Variants in SLC30A8 observed in about 807,000 individuals in gnomAD.
SLC30A8 encodes proton-coupled zinc antiporter SLC30A8.
In SLC30A8, 27 loss-of-function variants were observed where a neutral mutation model predicts 36.9. That is an observed-to-expected ratio of 0.73 (90% CI 0.54 to 1.01). SLC30A8 has a LOEUF of 1.01. Among genes scored for constraint, SLC30A8 ranks in the 50% least tolerant of loss-of-function variants. The probability of loss-of-function intolerance (pLI) is 0.00; values close to 1 mark genes in which losing one functional copy is unlikely to be tolerated. For missense variants in SLC30A8, 439 were observed against 452.0 expected (o/e 0.97, Z 0.26); for synonymous variants, 164 against 172.4 (o/e 0.95, Z 0.38).
intron 1 of SLC30A8, among the ~76,000 whole-genome samples, chr8:116,989,034 C>A (rs1052336034): frequency 2.0e-5 from 3 of 152,130 alleles, no homozygotes; most frequent in African/African-American, 4.8e-5. Context: ...TATTCAAAAA[C>A]CACTTTGAAT....
chr8:117,153,063 C>T lies in SLC30A8; in HGVS notation c.391C>T (p.Arg131Trp), dbSNP rs754766609. The T allele has an allele frequency of 4.3e-6, 7 of 1,611,712 alleles. No homozygotes were observed. In the Admixed American group the frequency reaches 5.0e-5, roughly 12 times the overall value. Reference protein sequence around the residue: ...LWLSSKPPSKRLTFGWHRAEI... With the variant: ...LWLSSKPPSKWLTFGWHRAEI... ...GTTGTCATCGAAGCCTCCCTCTAAG[C>T]GGCTGACATTTGGATGGCACCGAGC... Residue 131 changes from arginine (R) to tryptophan (W), a missense_variant, in exon 3 of 8, where the codon CGG (arginine) becomes TGG (tryptophan). Coordinates refer to ENST00000456015, the MANE Select transcript of SLC30A8 (RefSeq NM_173851.3).
chr8:116,966,677 A>G (rs1312532275), intron 1 of SLC30A8, among the ~76,000 whole-genome samples: 1 of 152,188 alleles, frequency 6.6e-6, no homozygotes, highest in Non-Finnish European at 1.5e-5. Context: ...CAGAAAACCT[A>G]TTTTAGAAAA....
chr8:117,009,523 A>G (rs1181500957), intron 1 of SLC30A8, among the ~76,000 whole-genome samples: 1 of 152,170 alleles, frequency 6.6e-6, no homozygotes, highest in African/African-American at 2.4e-5. Context: ...TCTTGTGACA[A>G]ATCATGGGGA....
intron 1 of SLC30A8, among the ~76,000 whole-genome samples, chr8:117,038,758 C>A (rs911200542): frequency 6.6e-6 from 1 of 152,244 alleles, no homozygotes; most frequent in Non-Finnish European, 1.5e-5. Flanking sequence ...ATGCTCCACA[C>A]TTTGGCCAAT....
At chr8:116,961,718 G>C (rs1453065928) in intron 1 of SLC30A8, among the ~76,000 whole-genome samples, 1 of 151,954 alleles carries the variant, frequency 6.6e-6, no homozygotes, top group East Asian at 1.9e-4. Flanking sequence ...TACTATGGAG[G>C]GGAAGAATGC....
At position 117,163,508 on chromosome 8, in the gene SLC30A8, C is replaced by T. The variant is rs770784511; in HGVS notation, c.807C>T (p.Asp269=). ...CCAGCACCATCACTATCTTAAAGGACTTCTCCATCTTACTCATGGAAGGTA... is the reference window on the plus strand; with the variant it reads ...CCAGCACCATCACTATCTTAAAGGATTTCTCCATCTTACTCATGGAAGGTA... ...VLASTITILK[D]FSILLMEGVP... The change falls in exon 6 of 8, where the codon GAC becomes GAT. Residue 269 remains aspartate, a synonymous_variant. Transcript: ENST00000456015. 1 of 1,612,272 alleles carries T rather than the reference C, an allele frequency of 6.2e-7. No individual in the cohort carries two copies. The highest frequency in any genetic ancestry group is 1.6e-4 in the Middle Eastern group (1 of 6,072).
At chr8:117,054,184 G>C (rs954351762) in intron 2 of SLC30A8, among the ~76,000 whole-genome samples, 1 of 149,520 alleles carries the variant, frequency 6.7e-6, no homozygotes, top group African/African-American at 2.5e-5. Context: ...CTGCAGCCTG[G>C]ATCTCCTGGA....
At position 117,135,262 on chromosome 8, in the gene SLC30A8, G is replaced by C. The variant is rs1036717810; in HGVS notation, c.-66G>C. On this transcript the variant is annotated 5_prime_UTR_variant, in exon 1 of 8. Coordinates refer to ENST00000456015, the MANE Select transcript of SLC30A8 (RefSeq NM_173851.3). ...GTATAAATAATTGCAGTGCTGCTTTGCTTCCAAAACTGGGCAGTGAGTTCA... is the reference window on the plus strand; with the variant it reads ...GTATAAATAATTGCAGTGCTGCTTTCCTTCCAAAACTGGGCAGTGAGTTCA... The C allele has an allele frequency of 1.9e-5, 23 of 1,206,214 alleles. No homozygotes were observed. The African/African-American group carries it at 3.5e-4, about 18-fold the overall frequency. 74.7% of individuals were successfully genotyped at this position (1,206,214 alleles called of 1,614,324 possible).
chr8:117,075,187 AT>A, intron 2 of SLC30A8, among the ~76,000 whole-genome samples: 1 of 152,144 alleles, frequency 6.6e-6, no homozygotes, highest in Non-Finnish European at 1.5e-5. Context: ...GATCACAAAC[AT>A]AGTAAACAAG....
In SLC30A8 at chr8:117,153,497, A is replaced by G. The variant is rs28674134; in HGVS notation, c.418+407A>G. Among the ~76,000 whole-genome samples the G allele has an allele frequency of 5.7e-3, 875 of 152,352 alleles. 9 individuals carry two copies. The highest frequency in any genetic ancestry group is 0.02 in the African/African-American group (821 of 41,568). On this transcript the variant is annotated intron_variant, in intron 3 of 7. Coordinates refer to ENST00000456015, the MANE Select transcript of SLC30A8 (RefSeq NM_173851.3). Reference sequence around the variant, plus strand: ...ATAGAGATTGAAGAACTTCTTATAGAGGATTCAGGAATAGAATATAGGCTT... The same window carrying G: ...ATAGAGATTGAAGAACTTCTTATAGGGGATTCAGGAATAGAATATAGGCTT...
At chr8:117,126,335 C>T (rs1820903167) in intron 2 of SLC30A8, among the ~76,000 whole-genome samples, 1 of 151,830 alleles carries the variant, frequency 6.6e-6, no homozygotes, top group Admixed American at 6.6e-5. Context: ...ATTTAAATTA[C>T]TTCATTTAAT....
intron 5 of SLC30A8, 126 bp from the exon 6 acceptor site, chr8:117,163,299 C>G: frequency 1.5e-6 from 1 of 659,770 alleles, no homozygotes; most frequent in Middle Eastern, 2.6e-4. Context: ...TTGGATGACA[C>G]ATGTCAAAAG....
chr8:117,018,668 C>A (rs1002682404), intron 1 of SLC30A8, among the ~76,000 whole-genome samples: 7 of 121,664 alleles, frequency 5.8e-5, no homozygotes, highest in South Asian at 3.5e-4. Flanking sequence ...GACTAGCCCC[C>A]CCCCCCCTTT....
chr8:117,061,321 C>T (rs559387071), intron 2 of SLC30A8, among the ~76,000 whole-genome samples: 31 of 152,330 alleles, frequency 2.0e-4, no homozygotes, highest in African/African-American at 7.0e-4. Context: ...TGTGCACATA[C>T]GTGCATGCAT....
At chr8:117,097,625 ATT>A (rs1491447092) in intron 2 of SLC30A8, among the ~76,000 whole-genome samples, 13 of 97,146 alleles carry the variant, frequency 1.3e-4, no homozygotes, top group Admixed American at 4.6e-4. Flanking sequence ...AATAATATAT[ATT>A]ATATATAATA....
At chr8:117,097,959 T>C (rs1311338118) in intron 2 of SLC30A8, among the ~76,000 whole-genome samples, 1 of 120,192 alleles carries the variant, frequency 8.3e-6, no homozygotes, top group Non-Finnish European at 1.6e-5. Flanking sequence ...TTTAAATAAA[T>C]ATATTAAATA....
rs558590384 is a variant in SLC30A8, at chr8:116,989,036, A to G, written c.-266+37917A>G. 1.8e-4 allele frequency among the ~76,000 whole-genome samples: 27 copies of G among 152,308 alleles called. No individual in the cohort carries two copies. In the South Asian group the frequency reaches 5.6e-3, roughly 32 times the overall value. ...TGGATAAGATAGATATTCAAAAACC[A>G]CTTTGAATACATAAGAAGAGATAAA... On this transcript the variant is annotated intron_variant, in intron 1 of 10. Transcript: ENST00000427715.
chr8:117,137,342 T>C (rs1265198534), intron 1 of SLC30A8, among the ~76,000 whole-genome samples: 2 of 152,046 alleles, frequency 1.3e-5, no homozygotes, highest in Non-Finnish European at 2.9e-5. Context: ...CTACTTTCTA[T>C]TATCAGCTTT....
chr8:117,020,292 GATAA>G (rs1816658479), intron 1 of SLC30A8, among the ~76,000 whole-genome samples: 1 of 152,094 alleles, frequency 6.6e-6, no homozygotes, highest in African/African-American at 2.4e-5. Flanking sequence ...CCAATAAAAT[GATAA>G]ATAATAGAAA....
Sources: allele counts gnomAD v4.1 joint callset (sites outside exome capture counted in the v4.1 genomes callset), GRCh38; gene constraint gnomAD v4.1.1; transcripts MANE v1.5; gene names NCBI Gene and HGNC (gene_info 2026-07-23, HGNC 2026-07-21).